ZC3H13: variants seen among roughly 807,000 people sequenced by gnomAD.
ZC3H13 encodes zinc finger CCCH domain-containing protein 13.
In ZC3H13, 64 loss-of-function variants were observed where a neutral mutation model predicts 204.1. The ratio of observed to expected loss-of-function variants is 0.31; its 90% CI spans 0.26 to 0.39. ZC3H13 has a LOEUF of 0.39. Among genes scored for constraint, ZC3H13 ranks in the 10% least tolerant of loss-of-function variants. The probability of loss-of-function intolerance (pLI) is 1.00; values close to 1 mark genes in which losing one functional copy is unlikely to be tolerated. For synonymous variants in ZC3H13, 667 were observed against 693.7 expected (o/e 0.96, Z 0.60); for missense variants, 1,833 against 2,082.7 (o/e 0.88, Z 2.33).
chr13:46,045,016 T>A lies in ZC3H13; in HGVS notation c.166A>T (p.Thr56Ser). The A allele has an allele frequency of 1.9e-6, 3 of 1,613,776 alleles. No individual in the cohort carries two copies. The highest frequency in any genetic ancestry group is 1.7e-6 in the Non-Finnish European group (2 of 1,179,774). The change falls in exon 3 of 19, where the codon ACA becomes TCA. Residue 56 changes from threonine (T) to serine (S), a missense_variant. Coordinates refer to ENST00000679008, the MANE Select transcript of ZC3H13 (RefSeq NM_001330564.2). ...LKTGNCLYGN[T>S]CRFVHGPSPR... Reference sequence around the variant, plus strand: ...GAAGGGCCATGTACGAATCTACATGTGTTTCCATAGAGGCAGTTGCCAGTC... The same window carrying A: ...GAAGGGCCATGTACGAATCTACATGAGTTTCCATAGAGGCAGTTGCCAGTC...
chr13:46,025,435 G>C (rs373108726), intron 4 of ZC3H13, among the ~76,000 whole-genome samples: 8 of 151,964 alleles, frequency 5.3e-5, no homozygotes, highest in African/African-American at 1.7e-4. Context: ...GCCTCCCACA[G>C]CTGGAACTAC....
At chr13:46,048,642 A>G (rs542891841) in intron 1 of ZC3H13, among the ~76,000 whole-genome samples, 2 of 151,490 alleles carry the variant, frequency 1.3e-5, no homozygotes, top group Non-Finnish European at 2.9e-5. Flanking sequence ...GCTATGAAAG[A>G]CAATCAAGTG....
At chr13:46,030,226 C>T (rs2042810120) in intron 4 of ZC3H13, among the ~76,000 whole-genome samples, 1 of 152,166 alleles carries the variant, frequency 6.6e-6, no homozygotes, top group Admixed American at 6.5e-5. Context: ...GGCGAATTTC[C>T]TCAACTTGAT....
At chr13:45,989,485 G>A (rs2039812249) in intron 8 of ZC3H13, among the ~76,000 whole-genome samples, 1 of 152,226 alleles carries the variant, frequency 6.6e-6, no homozygotes, top group Non-Finnish European at 1.5e-5. Context: ...GAGATCTAGA[G>A]AGAAAGTGGC....
chr13:46,038,067 T>C (rs1025414848), intron 4 of ZC3H13, among the ~76,000 whole-genome samples: 2 of 152,180 alleles, frequency 1.3e-5, no homozygotes, highest in Non-Finnish European at 2.9e-5. Flanking sequence ...GGAGGTAAAC[T>C]GGTGAGCAAG....
chr13:45,964,170 T>TA (rs1361138494), intron 16 of ZC3H13, 128 bp from the exon 17 acceptor site: 4 of 791,510 alleles, frequency 5.1e-6, no homozygotes, highest in Non-Finnish European at 7.7e-6. Context: ...AAAAATGTCC[T>TA]ATTCTTAAAA....
intron 17 of ZC3H13, among the ~76,000 whole-genome samples, chr13:45,960,076 C>T (rs914590522): frequency 1.3e-5 from 2 of 152,022 alleles, no homozygotes; most frequent in African/African-American, 2.4e-5. Context: ...CTCAGCTTCC[C>T]GAGTAGCTGG....
At chr13:46,012,187 T>C (rs541591645) in intron 5 of ZC3H13, among the ~76,000 whole-genome samples, 24 of 152,352 alleles carry the variant, frequency 1.6e-4, no homozygotes, top group African/African-American at 5.5e-4. Flanking sequence ...TGATGCCATA[T>C]TTCTATTTCC....
At position 45,957,083 on chromosome 13, in the gene ZC3H13, G is replaced by A; in HGVS notation, c.*44C>T. 1.5e-6 allele frequency: 2 copies of A among 1,370,682 alleles called. No individual in the cohort carries two copies. Among genetic ancestry groups the A allele is most frequent in the Non-Finnish European group, 1.9e-6 (2 of 1,047,762 alleles). 84.9% of individuals were successfully genotyped at this position (1,370,682 alleles called of 1,614,324 possible). ...AGAACTTTGCAAAAGAATATGCACT[G>A]CTGAAGGAAGACAGTACCAAAAATA... On this transcript the variant is annotated 3_prime_UTR_variant, in exon 19 of 19. Transcript: ENST00000679008.
intron 18 of ZC3H13, among the ~76,000 whole-genome samples, chr13:45,957,720 T>C (rs1951363727): frequency 6.6e-6 from 1 of 152,226 alleles, no homozygotes; most frequent in African/African-American, 2.4e-5. Context: ...CCTTCAGTTC[T>C]ATGAAGGTAA....
At chr13:45,995,743 C>A (rs1335147484) in intron 8 of ZC3H13, among the ~76,000 whole-genome samples, 1 of 152,206 alleles carries the variant, frequency 6.6e-6, no homozygotes, top group African/African-American at 2.4e-5. Flanking sequence ...TGAGGCCCCA[C>A]CAGCAGCAGA....
rs140539035 is a variant in ZC3H13, at chr13:46,011,826, T to G, written c.449-272A>C. Among the ~76,000 whole-genome samples the G allele has an allele frequency of 4.9e-3, 746 of 152,324 alleles. 9 individuals carry two copies. The highest frequency in any genetic ancestry group is 0.017 in the African/African-American group (720 of 41,572). ...GTTGTTTGGAAGTTGGGTTTTTTGTTAGGAGATGGAATTTTAAAAGACAAA... is the reference window on the plus strand; with the variant it reads ...GTTGTTTGGAAGTTGGGTTTTTTGTGAGGAGATGGAATTTTAAAAGACAAA... On this transcript the variant is annotated intron_variant, in intron 5 of 18. Coordinates refer to ENST00000679008, the MANE Select transcript of ZC3H13 (RefSeq NM_001330564.2).
intron 4 of ZC3H13, among the ~76,000 whole-genome samples, chr13:46,033,111 G>A (rs891468101): frequency 6.6e-6 from 1 of 151,960 alleles, no homozygotes; most frequent in Non-Finnish European, 1.5e-5. Flanking sequence ...ATGTAAAACT[G>A]TTTTGTAAAT....
In ZC3H13 at chr13:46,010,476, C is replaced by T; in HGVS notation, c.618G>A (p.Leu206=). 1 of 1,613,500 alleles carries T rather than the reference C, an allele frequency of 6.2e-7. No homozygotes were observed. The highest frequency in any genetic ancestry group is 1.7e-5 in the Admixed American group (1 of 59,988). ...ACTTTCTTAGAGAAGGTGACGGGGA[C>T]AATTTTGATCTAACCACTTCTGGTG... The part of the protein sequence containing the change: ...EVSPEVVRSK[L]SPSPSLRKSS... Residue 206 remains leucine (L), a synonymous_variant, in exon 7 of 19, where the codon TTG becomes TTA. Coordinates refer to ENST00000679008, the MANE Select transcript of ZC3H13 (RefSeq NM_001330564.2).
chr13:46,035,104 T>C (rs1203327137), intron 4 of ZC3H13, among the ~76,000 whole-genome samples: 1 of 152,140 alleles, frequency 6.6e-6, no homozygotes, highest in East Asian at 1.9e-4. Context: ...CCAGTGTGCA[T>C]GTGTCTCAGA....
chr13:45,988,388 G>GCTAGGA (rs2039709526), intron 9 of ZC3H13, among the ~76,000 whole-genome samples: 1 of 152,136 alleles, frequency 6.6e-6, no homozygotes, highest in African/African-American at 2.4e-5. Flanking sequence ...TTCCCGAGTA[G>GCTAGGA]CTAGGACTAC....
intron 11 of ZC3H13, among the ~76,000 whole-genome samples, chr13:45,978,057 TCCCTGTA>T (rs1271585891): frequency 1.3e-5 from 2 of 152,142 alleles, no homozygotes; most frequent in African/African-American, 2.4e-5. Context: ...CTGCACCCTC[TCCCTGTA>T]AAGTGCTCCT....
intron 7 of ZC3H13, 164 bp downstream of exon 7, chr13:46,010,184 T>G: frequency 1.6e-6 from 1 of 636,638 alleles, no homozygotes. Flanking sequence ...TATTGTTCTC[T>G]ATAATTGTCT....
At chr13:45,979,663 TTA>T in intron 11 of ZC3H13, 148 bp downstream of exon 11, 2 of 747,808 alleles carry the variant, frequency 2.7e-6, no homozygotes. Context: ...TGAACAAAGA[TTA>T]TATGAGTATA....
Sources: gnomAD v4.1 joint callset for allele counts (sites outside exome capture counted in the v4.1 genomes callset) on GRCh38, gnomAD v4.1.1 for gene constraint, MANE v1.5 for transcripts, NCBI Gene and HGNC (gene_info 2026-07-23, HGNC 2026-07-21) for gene names.